Variants in TNR observed in about 807,000 individuals in gnomAD.
The protein encoded by TNR is tenascin-R.
TNR carries 45 observed loss-of-function variants against 150.4 expected under a neutral mutation model. The ratio of observed to expected loss-of-function variants is 0.30; its 90% confidence interval spans 0.24 to 0.38. The LOEUF (loss-of-function observed/expected upper bound fraction) is 0.38. Ranked by LOEUF, TNR falls within the 10% of genes least tolerant of loss-of-function variation. The pLI is 1.00. For missense variants in TNR, 1,544 were observed against 1,759.1 expected (o/e 0.88, Z 2.19); for synonymous variants, 687 against 678.4 (o/e 1.01, Z -0.20).
At chr1:175,510,917 A>C (rs924503434) in intron 2 of TNR, among the ~76,000 whole-genome samples, 1 of 152,220 alleles carries the variant, frequency 6.6e-6, no homozygotes, top group Non-Finnish European at 1.5e-5. Context: ...ATTTATATAG[A>C]AGTCACATTA....
intron 1 of TNR, among the ~76,000 whole-genome samples, chr1:175,630,107 CAAG>C (rs1166908090): frequency 2.0e-5 from 3 of 152,064 alleles, no homozygotes; most frequent in Non-Finnish European, 4.4e-5. Flanking sequence ...AGTGCAGGCC[CAAG>C]TCTAGGAACA....
intron 1 of TNR, among the ~76,000 whole-genome samples, chr1:175,641,958 G>A (rs1664677506): frequency 6.6e-6 from 1 of 152,184 alleles, no homozygotes; most frequent in South Asian, 2.1e-4. Flanking sequence ...GTTAGATACT[G>A]TTAAGCTAAT....
At chr1:175,331,055 T>TTCTTTCTTTCTTTC (rs1649794934) in intron 20 of TNR, among the ~76,000 whole-genome samples, 1 of 117,176 alleles carries the variant, frequency 8.5e-6, no homozygotes, top group Admixed American at 9.0e-5. Context: ...CTTTCTTTCT[T>TTCTTTCTTTCTTTC]TCTTTCTTTC....
chr1:175,431,091 C>T (rs1202426787), intron 2 of TNR, among the ~76,000 whole-genome samples: 2 of 152,094 alleles, frequency 1.3e-5, no homozygotes, highest in African/African-American at 4.8e-5. Flanking sequence ...CCACACAGGG[C>T]CCAGGGAGCA....
Position 175,330,243 on chromosome 1 carries a change from G to A in TNR, c.3632-8C>T, listed in dbSNP as rs1408461340. The stretch of plus-strand genomic sequence containing the variant: ...TGTGTATATTGTCCAGCCCTGTGGA[G>A]AAGAGCAGAAAATGCACTGAGACTG... On this transcript the variant is annotated splice_polypyrimidine_tract_variant and splice_region_variant and intron_variant, in intron 20 of 22. Coordinates refer to ENST00000367674, the MANE Select transcript of TNR (RefSeq NM_003285.3). The A allele has an allele frequency of 6.5e-7, 1 of 1,529,670 alleles. No individual in the cohort carries two copies. The highest frequency in any genetic ancestry group is 1.2e-5 in the South Asian group (1 of 81,180). 94.8% of individuals were successfully genotyped at this position (1,529,670 alleles called of 1,614,324 possible).
chr1:175,716,836 A>C (rs1490811918), intron 1 of TNR, among the ~76,000 whole-genome samples: 1 of 152,154 alleles, frequency 6.6e-6, no homozygotes, highest in Non-Finnish European at 1.5e-5. Flanking sequence ...GCTACATGCA[A>C]CCAACTTCTG....
chr1:175,509,580 C>T (rs1397020578), intron 2 of TNR, among the ~76,000 whole-genome samples: 1 of 152,170 alleles, frequency 6.6e-6, no homozygotes, highest in African/African-American at 2.4e-5. Flanking sequence ...ACTTCCAAGC[C>T]ACCTCACCCC....
intron 1 of TNR, among the ~76,000 whole-genome samples, chr1:175,566,753 A>G (rs1269567286): frequency 6.6e-6 from 1 of 152,148 alleles, no homozygotes; most frequent in African/African-American, 2.4e-5. Flanking sequence ...AGATTAATCA[A>G]CCTCACTCCT....
intron 2 of TNR, among the ~76,000 whole-genome samples, chr1:175,440,537 A>G (rs1262312469): frequency 6.6e-6 from 1 of 151,898 alleles, no homozygotes; most frequent in African/African-American, 2.4e-5. Flanking sequence ...TAATAATAAA[A>G]TAAAATAAAA....
chr1:175,441,236 C>A (rs1655775782), intron 2 of TNR, among the ~76,000 whole-genome samples: 1 of 151,960 alleles, frequency 6.6e-6, no homozygotes, highest in South Asian at 2.1e-4. Context: ...TTTTGGTTTT[C>A]TTTTCTGTCT....
rs1474255362 is a variant in TNR, at chr1:175,365,109, C to T, written c.2488G>A (p.Val830Ile). The T allele has an allele frequency of 1.2e-6, 2 of 1,614,082 alleles. No individual in the cohort carries two copies. Among genetic ancestry groups the T allele is most frequent in the Non-Finnish European group, 1.7e-6 (2 of 1,179,988 alleles). Residue 830 changes from valine to isoleucine, a missense_variant, in exon 12 of 23, where the codon GTC becomes ATC. By Grantham distance (29) the Val-to-Ile change is conservative. Coordinates refer to ENST00000367674, the MANE Select transcript of TNR (RefSeq NM_003285.3). ...VSLDATKRHA[V>I]LMGLQPATEY... ...GTGGCTGGTTGCAGGCCCATCAGGA[C>T]AGCATGCCTCTTGGTGGCATCCAGG...
chr1:175,487,286 G>A (rs919274879), intron 2 of TNR, among the ~76,000 whole-genome samples: 1 of 152,122 alleles, frequency 6.6e-6, no homozygotes, highest in Non-Finnish European at 1.5e-5. Context: ...CCACTGATCC[G>A]ACAGGAGGTG....
chr1:175,460,025 A>T (rs1333017709), intron 2 of TNR, among the ~76,000 whole-genome samples: 3 of 152,210 alleles, frequency 2.0e-5, no homozygotes, highest in Non-Finnish European at 4.4e-5. Flanking sequence ...TATTTCTAAC[A>T]GACGGTGACT....
chr1:175,430,036 A>C (rs1467434379), intron 2 of TNR, among the ~76,000 whole-genome samples: 1 of 150,108 alleles, frequency 6.7e-6, no homozygotes, highest in Non-Finnish European at 1.5e-5. Flanking sequence ...TATCTATTAT[A>C]TAATATATCT....
intron 1 of TNR, among the ~76,000 whole-genome samples, chr1:175,647,195 A>G (rs1037674862): frequency 6.6e-6 from 1 of 152,042 alleles, no homozygotes; most frequent in Admixed American, 6.5e-5. Context: ...CCTGGGTGAA[A>G]ATATTTGGCA....
intron 1 of TNR, among the ~76,000 whole-genome samples, chr1:175,584,324 A>G (rs1662481997): frequency 6.6e-6 from 1 of 152,186 alleles, no homozygotes; most frequent in Admixed American, 6.5e-5. Flanking sequence ...TGATACCTCT[A>G]CCAGCCAAGG....
chr1:175,454,502 G>A (rs576500055), intron 2 of TNR, among the ~76,000 whole-genome samples: 24 of 150,526 alleles, frequency 1.6e-4, no homozygotes, highest in Middle Eastern at 6.9e-3. Context: ...ACAGAGTCTC[G>A]CTCTGTTGCC....
chr1:175,538,651 T>C (rs1237138134), intron 1 of TNR: 4 of 152,188 alleles, frequency 2.6e-5, no homozygotes, highest in African/African-American at 9.6e-5. Flanking sequence ...GTGCTGGAGG[T>C]GGACTTCCAC....
chr1:175,523,589 G>A (rs1358534236), intron 2 of TNR, among the ~76,000 whole-genome samples: 1 of 152,202 alleles, frequency 6.6e-6, no homozygotes, highest in East Asian at 1.9e-4. Context: ...GATAACATCT[G>A]TTTGGGTGGA....
Sources: gnomAD v4.1 joint callset for allele counts (sites outside exome capture counted in the v4.1 genomes callset) on GRCh38, gnomAD v4.1.1 for gene constraint, MANE v1.5 for transcripts, NCBI Gene and HGNC (gene_info 2026-07-23, HGNC 2026-07-21) for gene names.